Variants in USP2 observed in about 807,000 individuals in gnomAD.
USP2 encodes ubiquitin carboxyl-terminal hydrolase 2.
USP2 carries 33 observed loss-of-function variants against 72.0 expected under a neutral mutation model. The ratio of observed to expected loss-of-function variants is 0.46; its 90% CI spans 0.35 to 0.61. USP2 has a LOEUF of 0.61. USP2 is among the 20% of genes least tolerant of loss of function. The pLI, the probability that USP2 is intolerant of heterozygous loss-of-function variation, is 0.01. For synonymous variants in USP2, 296 were observed against 312.5 expected (o/e 0.95, Z 0.56); for missense variants, 691 against 797.8 (o/e 0.87, Z 1.61).
chr11:119,367,875 A>G (rs901972565), intron 2 of USP2, among the ~76,000 whole-genome samples: 1 of 152,200 alleles, frequency 6.6e-6, no homozygotes, highest in Non-Finnish European at 1.5e-5. Flanking sequence ...CGGCTCCCCC[A>G]GGGGCAAGGA....
In USP2 at chr11:119,356,368, T is replaced by TTGGCTCA. The variant is rs1216571678; in HGVS notation, c.*460_*466dup. 3 of 157,972 alleles carry TTGGCTCA rather than the reference T, an allele frequency of 1.9e-5. No homozygotes were observed. Among genetic ancestry groups the TTGGCTCA allele is most frequent in the Non-Finnish European group, 4.2e-5 (3 of 71,694 alleles). 9.8% of individuals were successfully genotyped at this position (157,972 alleles called of 1,614,324 possible). A position where few individuals can be genotyped will look rare whatever the true frequency, so the allele number is the denominator to read the frequency against. ...GGAGTTAGCAGCGTGAAGAGGGCTC[T>TTGGCTCA]TGGCTCATGGCTCTGGACCGGCGAG... On this transcript the variant is annotated 3_prime_UTR_variant, in exon 13 of 13. Transcript: ENST00000260187.
At chr11:119,366,191 G>T (rs1020742596) in intron 2 of USP2, among the ~76,000 whole-genome samples, 1 of 152,186 alleles carries the variant, frequency 6.6e-6, no homozygotes, top group Admixed American at 6.5e-5. Context: ...CACCACGCCC[G>T]GCCTATTACC....
Position 119,373,267 on chromosome 11 carries a change from G to C in USP2, c.214C>G (p.Leu72Val). Residue 72 changes from leucine to valine, a missense_variant, in exon 2 of 13, where the codon CTG becomes GTG. Transcript: ENST00000260187. The stretch of plus-strand genomic sequence containing the variant: ...AGGGGGCGGCCCCGGTCATAGTCCA[G>C]GAGGGAGGAGGGGCCATAGGTACGG... ...RPRTYGPSSLLDYDRGRPLLR... is the reference protein window; with the variant it reads ...RPRTYGPSSLVDYDRGRPLLR... 6.2e-7 allele frequency: 1 copy of C among 1,613,956 alleles called. No individual in the cohort carries two copies. The highest frequency in any genetic ancestry group is 1.1e-5 in the South Asian group (1 of 91,078).
At chr11:119,360,292 G>C (rs370036465) in intron 2 of USP2, 58 bp from the exon 3 acceptor site, 1 of 1,581,698 alleles carries the variant, frequency 6.3e-7, no homozygotes, top group South Asian at 1.1e-5. Flanking sequence ...GCCTGTGCTG[G>C]GCTCTCTCGT....
chr11:119,358,161 C>T lies in USP2; in HGVS notation c.1329G>A (p.Leu443=). The change falls in exon 8 of 13, where the codon CTG becomes CTA. Residue 443 remains leucine (L), a synonymous_variant. Coordinates refer to ENST00000260187, the MANE Select transcript of USP2 (RefSeq NM_004205.5). ...TVFDPFWDLS[L]PIAKRGYPEV... ...CTGGGGTGCATACCTTAGCAATGGG[C>T]AGTGAGAGGTCCCAGAAGGGGTCGA... The T allele has an allele frequency of 1.2e-6, 2 of 1,614,048 alleles. No individual in the cohort carries two copies. The highest frequency in any genetic ancestry group is 1.7e-6 in the Non-Finnish European group (2 of 1,180,026).
rs769614303 is a variant in USP2 at position 119,372,822 on chromosome 11, A to G, written c.659T>C (p.Val220Ala). The G allele has an allele frequency of 1.9e-6, 3 of 1,607,300 alleles. No homozygotes were observed. The highest frequency in any genetic ancestry group is 1.1e-5 in the South Asian group (1 of 89,972). ...GTAGGTTGGGCTGATGATTTCAGGG[A>G]CTCGTGAGGGAGGGGCCTGGGAGGG... ...QVPSQAPPSR[V>A]PEIISPTYRP... Residue 220 changes from valine (V) to alanine (A), a missense_variant, in exon 2 of 13, where the codon GTC becomes GCC. By Grantham distance (64) the Val-to-Ala change is moderately conservative (BLOSUM62 0). Coordinates refer to ENST00000260187, the MANE Select transcript of USP2 (RefSeq NM_004205.5).
At chr11:119,359,724 C>T (rs1047785561) in intron 3 of USP2, 64 bp from the exon 4 acceptor site, 4 of 1,581,716 alleles carry the variant, frequency 2.5e-6, no homozygotes, top group Non-Finnish European at 3.4e-6. Context: ...GTGTTACTTA[C>T]TACCAGAGGC....
chr11:119,357,068 C>G, intron 12 of USP2, 119 bp downstream of exon 12: 2 of 1,365,404 alleles, frequency 1.5e-6, no homozygotes, highest in Non-Finnish European at 2.0e-6. Context: ...ACTTTGCCAT[C>G]CATTCTCGGT....
In USP2 at chr11:119,381,643, T is replaced by C; in HGVS notation, c.-212A>G. The stretch of plus-strand genomic sequence containing the variant: ...CTCCGCCGGGGGCCCAGAAGGGACC[T>C]CCCCGGGAAATCGGCGCCACCCAGC... On this transcript the variant is annotated 5_prime_UTR_variant, in exon 1 of 13. Coordinates refer to ENST00000260187, the MANE Select transcript of USP2 (RefSeq NM_004205.5). 2 of 1,293,284 alleles carry C rather than the reference T, an allele frequency of 1.5e-6. No individual in the cohort carries two copies. Among genetic ancestry groups the C allele is most frequent in the Non-Finnish European group, 2.1e-6 (2 of 932,394 alleles). 80.1% of individuals were successfully genotyped at this position (1,293,284 alleles called of 1,614,324 possible).
intron 1 of USP2, chr11:119,379,374 G>T: frequency 4.1e-6 from 3 of 733,640 alleles, no homozygotes; most frequent in Non-Finnish European, 5.0e-6. Flanking sequence ...CAGAGGGGTG[G>T]GGGTGGAACT....
intron 3 of USP2, 96 bp from the exon 4 acceptor site, chr11:119,359,756 A>C: frequency 6.6e-7 from 1 of 1,515,472 alleles, no homozygotes; most frequent in Non-Finnish European, 8.9e-7. Flanking sequence ...TCTACCTAGA[A>C]TCCTTTCATA....
chr11:119,365,337 C>T (rs1320523363), intron 2 of USP2, among the ~76,000 whole-genome samples: 2 of 152,180 alleles, frequency 1.3e-5, no homozygotes, highest in African/African-American at 4.8e-5. Context: ...CAATTTCATG[C>T]TAATGAGAGA....
chr11:119,357,258 G>A lies in USP2; in HGVS notation c.1659C>T (p.Thr553=). Residue 553 remains threonine (T), a synonymous_variant, in exon 12 of 13, where the codon ACC becomes ACT. Transcript: ENST00000260187. ...AGTAGGCTGTATAGTGGCCACCCATGGTGGTTCCGGAGTGATTGGACACAG... is the reference window on the plus strand; with the variant it reads ...AGTAGGCTGTATAGTGGCCACCCATAGTGGTTCCGGAGTGATTGGACACAG... ...LYAVSNHSGT[T]MGGHYTAYCR... 1.9e-6 allele frequency: 3 copies of A among 1,613,750 alleles called. No individual in the cohort carries two copies. The highest frequency in any genetic ancestry group is 1.1e-5 in the South Asian group (1 of 91,070).
Position 119,365,988 on chromosome 11 carries a change from G to C in USP2, c.775-5754C>G, listed in dbSNP as rs1007213325. On this transcript the variant is annotated intron_variant, in intron 2 of 12. Coordinates refer to ENST00000260187, the MANE Select transcript of USP2 (RefSeq NM_004205.5). ...CGGCTCACTGCAACCTCTGCCTCCC[G>C]GGTTCAAACAATTCTCCTGCCTCAG... 4.0e-5 allele frequency among the ~76,000 whole-genome samples: 6 copies of C among 151,346 alleles called. No homozygotes were observed. The East Asian group carries it at 7.8e-4, about 20-fold the overall frequency.
chr11:119,358,092 G>A (rs748708417), intron 8 of USP2, 31 bp from the exon 9 acceptor site: 1 of 1,614,132 alleles, frequency 6.2e-7, no homozygotes, highest in Admixed American at 1.7e-5. Flanking sequence ...AAGGTCAGAG[G>A]TCAACATGAA....
rs1950953173 is a variant in USP2, at chr11:119,372,995, G to A, written c.486C>T (p.Asp162=). Residue 162 remains aspartate (D), a synonymous_variant, in exon 2 of 13, where the codon GAC becomes GAT. Coordinates refer to ENST00000260187, the MANE Select transcript of USP2 (RefSeq NM_004205.5). ...SLRTSDSYRI[D]PRNLGRSPML... ...TGGGGCTGCGGCCCAGGTTCCTGGG[G>A]TCTATCCGGTAGCTATCTGAGGTCC... 6.2e-7 allele frequency: 1 copy of A among 1,613,708 alleles called. No homozygotes were observed. The highest frequency in any genetic ancestry group is 8.5e-7 in the Non-Finnish European group (1 of 1,180,040).
chr11:119,375,023 C>T (rs551718305), intron 1 of USP2, among the ~76,000 whole-genome samples: 2 of 152,344 alleles, frequency 1.3e-5, no homozygotes, highest in African/African-American at 4.8e-5. Context: ...CAGCATGGCT[C>T]CGCCCTCTGA....
At chr11:119,357,097 G>GATCATTAAAA (rs1950672254) in intron 12 of USP2, 90 bp downstream of exon 12, 1 of 1,207,810 alleles carries the variant, frequency 8.3e-7, no homozygotes, top group African/African-American at 1.7e-5. Flanking sequence ...TGCGGGGGGT[G>GATCATTAAAA]GGAGGGGGGT....
intron 7 of USP2, chr11:119,358,564 C>T (rs1217073615): frequency 4.7e-6 from 3 of 643,120 alleles, no homozygotes; most frequent in African/African-American, 3.7e-5. Flanking sequence ...GATCTACCCG[C>T]CTTGGCCTCC....
Sources: gnomAD v4.1 joint callset for allele counts (sites outside exome capture counted in the v4.1 genomes callset) on GRCh38, gnomAD v4.1.1 for gene constraint, MANE v1.5 for transcripts, NCBI Gene and HGNC (gene_info 2026-07-23, HGNC 2026-07-21) for gene names.